The following PLCB4 variants were observed in gnomAD, a reference collection of about 807,000 sequenced individuals.
PLCB4 encodes the protein 1-phosphatidylinositol 4,5-bisphosphate phosphodiesterase beta-4.
A neutral mutation model predicts 178.8 loss-of-function variants in PLCB4; 77 were observed. That is an observed-to-expected ratio of 0.43 (90% CI 0.36 to 0.52). The LOEUF (loss-of-function observed/expected upper bound fraction) is 0.52, where lower values mean the gene tolerates loss of function less well. Among genes scored for constraint, PLCB4 ranks in the 20% least tolerant of loss-of-function variants. PLCB4 has a pLI of 0.00. For missense variants in PLCB4, 1,024 were observed against 1,453.4 expected, an observed-to-expected ratio of 0.70 and a Z score of 4.80; for synonymous variants, 496 against 490.8, an observed-to-expected ratio of 1.01 and a Z score of -0.14.
At chr20:9,334,009 G>A (rs1032845745) in intron 4 of PLCB4, among the ~76,000 whole-genome samples, 3 of 152,262 alleles carry the variant, frequency 2.0e-5, no homozygotes, top group Admixed American at 2.0e-4. Context: ...CAGAGGAGAG[G>A]ATGGGGCTGC....
chr20:9,158,599 A>G (rs1257328153), intron 2 of PLCB4, among the ~76,000 whole-genome samples: 1 of 150,156 alleles, frequency 6.7e-6, no homozygotes, highest in Non-Finnish European at 1.5e-5. Context: ...TTTTAACCGT[A>G]CAAAACAGTA....
chr20:9,301,243 C>T (rs186814461), intron 3 of PLCB4, among the ~76,000 whole-genome samples: 12 of 152,028 alleles, frequency 7.9e-5, no homozygotes, highest in African/African-American at 2.4e-4. Flanking sequence ...TCGCGAGTTG[C>T]AGCAGTTAGG....
At position 9,081,348 on chromosome 20, in the gene PLCB4, G is replaced by C. The variant is rs139763033; in HGVS notation, c.-135+12142G>C. On this transcript the variant is annotated intron_variant, in intron 1 of 39. Transcript: ENST00000378473. Reference sequence around the variant, plus strand: ...AATTTGCCAAATGTAAGCCATCCCTGGCCTGACCCCTGTGATGAAGTTTTA... The same window carrying C: ...AATTTGCCAAATGTAAGCCATCCCTCGCCTGACCCCTGTGATGAAGTTTTA... 1.1e-3 allele frequency among the ~76,000 whole-genome samples: 175 copies of C among 152,244 alleles called. 1 individual carries two copies. The East Asian group carries it at 0.025, about 22-fold the overall frequency.
intron 1 of PLCB4, among the ~76,000 whole-genome samples, chr20:9,079,079 C>G (rs1249268713): frequency 6.6e-6 from 1 of 152,102 alleles, no homozygotes; most frequent in Admixed American, 6.5e-5. Flanking sequence ...GCATTGAAAC[C>G]TTGCATATTC....
At chr20:9,474,173 C>T (rs1337648425) in intron 38 of PLCB4, among the ~76,000 whole-genome samples, 1 of 150,808 alleles carries the variant, frequency 6.6e-6, no homozygotes, top group East Asian at 2.0e-4. Flanking sequence ...GCCGAGATCG[C>T]ACCACTGCAC....
intron 1 of PLCB4, among the ~76,000 whole-genome samples, chr20:9,075,434 A>T (rs1485449922): frequency 6.6e-6 from 1 of 152,262 alleles, no homozygotes; most frequent in Non-Finnish European, 1.5e-5. Flanking sequence ...CTGCAGTTGC[A>T]TGCCAGAAAT....
chr20:9,231,303 A>G (rs1242726186), intron 3 of PLCB4, among the ~76,000 whole-genome samples: 3 of 152,134 alleles, frequency 2.0e-5, no homozygotes, highest in Non-Finnish European at 1.5e-5. Context: ...TCCAGCTATT[A>G]TCTTGTGGGG....
At chr20:9,409,420 C>A (rs1195023128) in intron 24 of PLCB4, among the ~76,000 whole-genome samples, 1 of 151,830 alleles carries the variant, frequency 6.6e-6, no homozygotes, top group South Asian at 2.1e-4. Context: ...AATGCCATGA[C>A]TATTCCTGCT....
chr20:9,087,877 C>G (rs1281069664), intron 1 of PLCB4, among the ~76,000 whole-genome samples: 3 of 152,226 alleles, frequency 2.0e-5, no homozygotes, highest in Non-Finnish European at 4.4e-5. Context: ...TGGAGTGTCT[C>G]TGTGTCCTTG....
At chr20:9,390,456 C>T in intron 16 of PLCB4, 75 bp from the exon 17 acceptor site, 1 of 678,354 alleles carries the variant, frequency 1.5e-6, no homozygotes, top group East Asian at 2.6e-5. Flanking sequence ...CTTTAATTGC[C>T]TAGTAATGGG....
chr20:9,203,056 A>AAAAATAT (rs769628056), intron 2 of PLCB4, among the ~76,000 whole-genome samples: 59 of 126,140 alleles, frequency 4.7e-4, no homozygotes, highest in African/African-American at 1.9e-3. Context: ...AAAAAAAAAA[A>AAAAATAT]ATATATATAT....
chr20:9,134,035 G>A (rs2092332737), intron 2 of PLCB4, among the ~76,000 whole-genome samples: 3 of 152,212 alleles, frequency 2.0e-5, no homozygotes, highest in Admixed American at 2.0e-4. Flanking sequence ...TCAAGGCACT[G>A]TCTTTTGCCC....
chr20:9,328,316 A>G (rs1296266673), intron 4 of PLCB4, among the ~76,000 whole-genome samples: 1 of 152,236 alleles, frequency 6.6e-6, no homozygotes, highest in Non-Finnish European at 1.5e-5. Context: ...GCAACAGGTC[A>G]GTAGGAACAG....
chr20:9,295,323 G>A (rs1266960302), intron 3 of PLCB4, among the ~76,000 whole-genome samples: 3 of 152,086 alleles, frequency 2.0e-5, no homozygotes, highest in Non-Finnish European at 2.9e-5. Flanking sequence ...CATCCACCAT[G>A]TATTCTGTTA....
chr20:9,108,148 GGT>G (rs1315907090), intron 2 of PLCB4, among the ~76,000 whole-genome samples: 1 of 152,128 alleles, frequency 6.6e-6, no homozygotes, highest in African/African-American at 2.4e-5. Flanking sequence ...ATTCCCATTA[GGT>G]GTCCAAAATG....
At chr20:9,423,277 A>G (rs2040772970) in intron 27 of PLCB4, among the ~76,000 whole-genome samples, 1 of 152,214 alleles carries the variant, frequency 6.6e-6, no homozygotes, top group Non-Finnish European at 1.5e-5. Context: ...TACTTAATTT[A>G]TTTATTCAGA....
chr20:9,380,019 A>G (rs753348863), intron 12 of PLCB4, 35 bp from the exon 13 acceptor site: 3 of 1,142,582 alleles, frequency 2.6e-6, no homozygotes. Flanking sequence ...AGGCCAAGAA[A>G]TATCAACCTA....
At chr20:9,184,707 C>T (rs760476590) in intron 2 of PLCB4, among the ~76,000 whole-genome samples, 39 of 151,548 alleles carry the variant, frequency 2.6e-4, no homozygotes, top group Admixed American at 3.3e-4. Context: ...CACTATGAAC[C>T]GATTTATGAG....
chr20:9,182,104 A>T (rs906206097), intron 2 of PLCB4, among the ~76,000 whole-genome samples: 1 of 152,172 alleles, frequency 6.6e-6, no homozygotes, highest in African/African-American at 2.4e-5. Context: ...ATGTTCAAAA[A>T]ATAAGTTTTG....
Sources: gnomAD v4.1 joint callset for allele counts (sites outside exome capture counted in the v4.1 genomes callset) on GRCh38, gnomAD v4.1.1 for gene constraint, MANE v1.5 for transcripts, NCBI Gene and HGNC (gene_info 2026-07-23, HGNC 2026-07-21) for gene names.